ARHGAP31: variants seen among roughly 807,000 people sequenced by gnomAD.
ARHGAP31 encodes the protein rho GTPase-activating protein 31.
Under a neutral mutation model 113.9 loss-of-function variants are expected in ARHGAP31, and 34 were observed. The observed-to-expected ratio is 0.30, with a 90% CI of 0.23 to 0.40. The LOEUF is 0.40. ARHGAP31 is among the 10% of genes least tolerant of loss of function. The pLI is 1.00. For synonymous variants in ARHGAP31, 650 were observed against 684.8 expected (o/e 0.95, Z 0.79); for missense variants, 1,548 against 1,767.1 (o/e 0.88, Z 2.22).
Position 119,418,724 on chromosome 3 carries a change from A to G in ARHGAP31, c.*2460A>G, listed in dbSNP as rs1354806348. 6.6e-6 allele frequency: 1 copy of G among 152,200 alleles called. No individual in the cohort carries two copies. The highest frequency in any genetic ancestry group is 2.4e-5 in the African/African-American group (1 of 41,448). 9.4% of individuals were successfully genotyped at this position (152,200 alleles called of 1,614,324 possible). A position where few individuals can be genotyped will look rare whatever the true frequency, so the allele number is the denominator to read the frequency against. ...TCTTTTAGACTCTGACATTTATAGC[A>G]TCACCTTCAGGAACACAGTTCTGGG... On this transcript the variant is annotated 3_prime_UTR_variant, in exon 12 of 12. Coordinates refer to ENST00000264245, the MANE Select transcript of ARHGAP31 (RefSeq NM_020754.4).
intron 2 of ARHGAP31, among the ~76,000 whole-genome samples, chr3:119,367,870 A>G (rs948045501): frequency 6.6e-6 from 1 of 151,846 alleles, no homozygotes; most frequent in African/African-American, 2.4e-5. Context: ...AAAAAGAAAA[A>G]AAAAAAAAAA....
chr3:119,366,211 A>T (rs530942384), intron 2 of ARHGAP31, among the ~76,000 whole-genome samples: 5 of 152,132 alleles, frequency 3.3e-5, no homozygotes, highest in African/African-American at 1.2e-4. Flanking sequence ...ATGTTATTTT[A>T]ATTATAACAT....
rs774401532 is a variant in ARHGAP31, at chr3:119,414,704, C to A, written c.2775C>A (p.Asp925Glu). Residue 925 changes from aspartate to glutamate, a missense_variant, in exon 12 of 12, where the codon GAC becomes GAA. Transcript: ENST00000264245. Reference sequence around the variant, plus strand: ...CCCTTCACTCTCCCACCCTGAAAGACGCGCACAAGGCCCAGGTACAGGGCC... The same window carrying A: ...CCCTTCACTCTCCCACCCTGAAAGAAGCGCACAAGGCCCAGGTACAGGGCC... ...TSPLHSPTLK[D>E]AHKAQVQGLQ... 1 of 1,614,214 alleles carries A rather than the reference C, an allele frequency of 6.2e-7. No homozygotes were observed. Among genetic ancestry groups the A allele is most frequent in the Non-Finnish European group, 8.5e-7 (1 of 1,180,044 alleles).
chr3:119,350,274 T>C (rs2080099542), intron 1 of ARHGAP31, among the ~76,000 whole-genome samples: 1 of 152,110 alleles, frequency 6.6e-6, no homozygotes, highest in South Asian at 2.1e-4. Context: ...AAAGCGGTTC[T>C]GGAAACAATG....
intron 1 of ARHGAP31, among the ~76,000 whole-genome samples, chr3:119,336,443 A>G (rs1249165433): frequency 1.3e-5 from 2 of 152,076 alleles, no homozygotes; most frequent in African/African-American, 4.8e-5. Context: ...CAGCAGCGGG[A>G]GAGGGACACC....
chr3:119,318,973 T>A (rs2079758918), intron 1 of ARHGAP31, among the ~76,000 whole-genome samples: 1 of 151,992 alleles, frequency 6.6e-6, no homozygotes, highest in South Asian at 2.1e-4. Flanking sequence ...ACAAAAAAAA[T>A]GCCTTTTCAA....
chr3:119,363,431 A>T (rs575858069), intron 1 of ARHGAP31, among the ~76,000 whole-genome samples: 3 of 152,104 alleles, frequency 2.0e-5, no homozygotes, highest in African/African-American at 7.2e-5. Context: ...GCTCACTCCT[A>T]GGAAGTGGTT....
At chr3:119,354,606 G>C (rs2080139759) in intron 1 of ARHGAP31, among the ~76,000 whole-genome samples, 1 of 151,612 alleles carries the variant, frequency 6.6e-6, no homozygotes, top group Non-Finnish European at 1.5e-5. Context: ...CTGCCTCCTG[G>C]GTTCAAGTGA....
chr3:119,373,339 A>T (rs1048274715), intron 3 of ARHGAP31, among the ~76,000 whole-genome samples: 19 of 152,226 alleles, frequency 1.2e-4, no homozygotes, highest in Admixed American at 3.9e-4. Flanking sequence ...TGAATTATTT[A>T]AAAAGTATCA....
chr3:119,369,664 GA>G (rs1435835539), intron 3 of ARHGAP31, among the ~76,000 whole-genome samples: 1 of 152,142 alleles, frequency 6.6e-6, no homozygotes, highest in East Asian at 1.9e-4. Flanking sequence ...GTGGTACAGG[GA>G]AATACTCAAA....
At chr3:119,322,731 C>G (rs1019829887) in intron 1 of ARHGAP31, 1 of 153,102 alleles carries the variant, frequency 6.5e-6, no homozygotes, top group Non-Finnish European at 1.5e-5. Context: ...TCACTCGCTT[C>G]CCCTCGAGCG....
At position 119,380,728 on chromosome 3, in the gene ARHGAP31, AC is replaced by A. The variant is rs148723203; in HGVS notation, c.349-174del. The stretch of plus-strand genomic sequence containing the variant: ...GTGAGACCCTGCACACACATCCAGA[AC>A]CAACAGAAACTGTAGTGGGATAGTT... On this transcript the variant is annotated intron_variant, in intron 3 of 11. Transcript: ENST00000264245. Among the ~76,000 whole-genome samples, 459 of 152,308 alleles carry A rather than the reference AC, an allele frequency of 3.0e-3. 4 individuals are homozygous for A. The highest frequency in any genetic ancestry group is 4.0e-3 in the Non-Finnish European group (273 of 68,028).
chr3:119,406,720 T>G (rs1006484985), intron 10 of ARHGAP31, among the ~76,000 whole-genome samples: 1 of 152,224 alleles, frequency 6.6e-6, no homozygotes, highest in African/African-American at 2.4e-5. Context: ...ACTCAGCCTT[T>G]GCGTGGGACA....
intron 1 of ARHGAP31, among the ~76,000 whole-genome samples, chr3:119,343,108 G>A (rs2080024112): frequency 6.6e-6 from 1 of 152,152 alleles, no homozygotes; most frequent in South Asian, 2.1e-4. Context: ...ATTGACAGGT[G>A]AGTCTACAGA....
intron 3 of ARHGAP31, among the ~76,000 whole-genome samples, chr3:119,380,272 C>T (rs935542987): frequency 3.3e-5 from 5 of 152,128 alleles, no homozygotes; most frequent in African/African-American, 1.2e-4. Flanking sequence ...GGGGTAGTCA[C>T]GGGCTAGGTA....
rs761978267 is a variant in ARHGAP31 at position 119,418,849 on chromosome 3, C to G, written c.*2585C>G. 2.0e-5 allele frequency: 3 copies of G among 152,242 alleles called. No homozygotes were observed. Among genetic ancestry groups the G allele is most frequent in the Admixed American group, 1.3e-4 (2 of 15,286 alleles). 9.4% of individuals were successfully genotyped at this position (152,242 alleles called of 1,614,324 possible). A position where few individuals can be genotyped will look rare whatever the true frequency, so the allele number is the denominator to read the frequency against. ...AAGGCCTTAGAAGCTGACTCACCTT[C>G]TCAGCCAGAGTCCTGCTGCTCAAGT... On this transcript the variant is annotated 3_prime_UTR_variant, in exon 12 of 12. Transcript: ENST00000264245.
intron 3 of ARHGAP31, among the ~76,000 whole-genome samples, chr3:119,370,635 G>A (rs2080290280): frequency 6.6e-6 from 1 of 152,068 alleles, no homozygotes; most frequent in South Asian, 2.1e-4. Context: ...ATTGCTGTTT[G>A]GGGGATGCTT....
chr3:119,380,813 G>A (rs1454173753), intron 3 of ARHGAP31, 91 bp from the exon 4 acceptor site: 5 of 1,050,700 alleles, frequency 4.8e-6, no homozygotes, highest in Non-Finnish European at 7.4e-6. Flanking sequence ...TTGTGAGGCT[G>A]GAGTATGAGG....
intron 1 of ARHGAP31, among the ~76,000 whole-genome samples, chr3:119,364,794 T>TA (rs537815840): frequency 0.011 from 1,631 of 152,062 alleles, 13 homozygotes; most frequent in Non-Finnish European, 0.017. Flanking sequence ...TTAAATTCTT[T>TA]AAAAAAAACA....
Sources: allele counts gnomAD v4.1 joint callset (sites outside exome capture counted in the v4.1 genomes callset), GRCh38; gene constraint gnomAD v4.1.1; transcripts MANE v1.5; gene names NCBI Gene and HGNC (gene_info 2026-07-23, HGNC 2026-07-21).